Variants in ADCY8 observed in about 807,000 individuals in gnomAD.
ADCY8 encodes the protein adenylate cyclase type 8.
Under a neutral mutation model 119.7 loss-of-function variants are expected in ADCY8, and 51 were observed. That is an observed-to-expected ratio of 0.43 (90% CI 0.34 to 0.54). The LOEUF (loss-of-function observed/expected upper bound fraction) is 0.54. ADCY8 is among the 20% of genes least tolerant of loss of function. The probability of loss-of-function intolerance (pLI) is 0.03; values close to 1 mark genes in which losing one functional copy is unlikely to be tolerated. For synonymous variants in ADCY8, 665 were observed against 651.0 expected, an observed-to-expected ratio of 1.02 and a Z score of -0.33; for missense variants, 1,383 against 1,598.8, an observed-to-expected ratio of 0.87 and a Z score of 2.30.
At chr8:131,015,113 T>C (rs1823428821) in intron 1 of ADCY8, among the ~76,000 whole-genome samples, 1 of 152,180 alleles carries the variant, frequency 6.6e-6, no homozygotes, top group Admixed American at 6.5e-5. Flanking sequence ...GGAAAATTGA[T>C]TGATAAAGAG....
chr8:130,950,962 T>C (rs955662224), intron 3 of ADCY8, among the ~76,000 whole-genome samples: 8 of 152,318 alleles, frequency 5.3e-5, no homozygotes, highest in African/African-American at 1.9e-4. Flanking sequence ...CCTCCCAAAG[T>C]GCTGGGATTA....
chr8:130,994,315 T>C (rs1822696466), intron 1 of ADCY8, among the ~76,000 whole-genome samples: 2 of 152,242 alleles, frequency 1.3e-5, no homozygotes, highest in East Asian at 1.9e-4. Context: ...ACTGCCAATT[T>C]CTCTGGGGCA....
At chr8:130,889,457 A>G (rs1819106807) in intron 7 of ADCY8, among the ~76,000 whole-genome samples, 1 of 152,158 alleles carries the variant, frequency 6.6e-6, no homozygotes, top group African/African-American at 2.4e-5. Context: ...TTTTTTGACC[A>G]CAAATCCCCC....
intron 15 of ADCY8, among the ~76,000 whole-genome samples, chr8:130,797,334 A>G (rs562396740): frequency 6.6e-6 from 1 of 152,210 alleles, no homozygotes; most frequent in Non-Finnish European, 1.5e-5. Context: ...AAGCCAAAAC[A>G]CTGGACACCC....
chr8:130,971,344 T>A (rs67266913), intron 2 of ADCY8, among the ~76,000 whole-genome samples: 7,343 of 152,266 alleles, frequency 0.048, 198 homozygotes, highest in Non-Finnish European at 0.056. Flanking sequence ...TAAGTGTGAA[T>A]TAAGGATACT....
chr8:130,946,432 C>T (rs1821108441), intron 3 of ADCY8, among the ~76,000 whole-genome samples: 1 of 152,106 alleles, frequency 6.6e-6, no homozygotes, highest in African/African-American at 2.4e-5. Flanking sequence ...ATAGATTTTT[C>T]CCCCTTTTGC....
intron 2 of ADCY8, among the ~76,000 whole-genome samples, chr8:130,962,598 C>T (rs1319928399): frequency 1.1e-4 from 17 of 152,184 alleles, no homozygotes; most frequent in Admixed American, 1.1e-3. Context: ...CTACAGTGCA[C>T]CCTGAGGGGA....
chr8:130,823,449 T>C (rs76230052), intron 12 of ADCY8, among the ~76,000 whole-genome samples: 2,916 of 152,262 alleles, frequency 0.019, 79 homozygotes, highest in East Asian at 0.12. Context: ...TACTGTATTA[T>C]AATGTTTTGC....
intron 2 of ADCY8, among the ~76,000 whole-genome samples, chr8:130,980,303 CG>C (rs1029545786): frequency 6.6e-6 from 1 of 152,054 alleles, no homozygotes; most frequent in Non-Finnish European, 1.5e-5. Context: ...TTTTGAGGTT[CG>C]GGGGAACATG....
intron 8 of ADCY8, among the ~76,000 whole-genome samples, chr8:130,874,132 A>C: frequency 6.6e-6 from 1 of 151,866 alleles, no homozygotes; most frequent in East Asian, 1.9e-4. Context: ...ACATGGTGAA[A>C]TCCTGTCTCT....
At chr8:130,803,215 G>A (rs1815837239) in intron 14 of ADCY8, among the ~76,000 whole-genome samples, 1 of 152,202 alleles carries the variant, frequency 6.6e-6, no homozygotes, top group African/African-American at 2.4e-5. Context: ...CTTCCCTGCA[G>A]TTAGCTTCCT....
intron 14 of ADCY8, among the ~76,000 whole-genome samples, chr8:130,809,920 C>A (rs1445522766): frequency 6.6e-6 from 1 of 152,244 alleles, no homozygotes; most frequent in Admixed American, 6.5e-5. Context: ...GCTTTGCCAG[C>A]TGGAGGCTGT....
intron 3 of ADCY8, among the ~76,000 whole-genome samples, chr8:130,950,978 G>T (rs113876856): frequency 6.6e-6 from 1 of 152,168 alleles, no homozygotes; most frequent in South Asian, 2.1e-4. Flanking sequence ...GATTACAGGC[G>T]CGAGCGACCG....
chr8:130,873,438 C>T (rs991008771), intron 8 of ADCY8, among the ~76,000 whole-genome samples: 3 of 152,102 alleles, frequency 2.0e-5, no homozygotes, highest in Non-Finnish European at 2.9e-5. Flanking sequence ...CCTGCCTCAG[C>T]CTCTTATGCA....
chr8:130,877,409 C>T (rs72714412), intron 8 of ADCY8, among the ~76,000 whole-genome samples: 11,520 of 152,206 alleles, frequency 0.076, 486 homozygotes, highest in Non-Finnish European at 0.1. Flanking sequence ...ACTGAATGCT[C>T]TGAGCTGTTC....
intron 2 of ADCY8, among the ~76,000 whole-genome samples, chr8:130,958,427 T>A (rs1821498462): frequency 6.6e-6 from 1 of 152,176 alleles, no homozygotes; most frequent in Non-Finnish European, 1.5e-5. Context: ...TCCTGGCCTC[T>A]CATTTCATGT....
At position 131,040,279 on chromosome 8, in the gene ADCY8, G is replaced by T; in HGVS notation, c.55C>A (p.His19Asn). ...LTGSEELYTI[H>N]PTPPAGDGRS... ...CCGTCGCCGGCCGGGGGCGTCGGGT[G>T]GATGGTGTAGAGTTCCTCGCTGCCT... Residue 19 changes from histidine (H) to asparagine (N), a missense_variant, in exon 1 of 18, where the codon CAC becomes AAC. By Grantham distance (68) the His-to-Asn change is moderately conservative (BLOSUM62 1). Around this residue, in one of 2 missense-constraint regions of ADCY8, gnomAD observed 455 missense variants for 435.3 expected, o/e 1.05. Transcript: ENST00000286355. 6.4e-7 allele frequency: 1 copy of T among 1,568,806 alleles called. No individual in the cohort carries two copies. Among genetic ancestry groups the T allele is most frequent in the Non-Finnish European group, 8.6e-7 (1 of 1,163,842 alleles).
intron 1 of ADCY8, among the ~76,000 whole-genome samples, chr8:131,015,733 T>C (rs1246014503): frequency 1.3e-5 from 2 of 152,148 alleles, no homozygotes; most frequent in South Asian, 2.1e-4. Context: ...GACAAGTCAG[T>C]ATGGGAGTTA....
chr8:130,830,445 C>G (rs1457293830), intron 12 of ADCY8, among the ~76,000 whole-genome samples: 4 of 152,134 alleles, frequency 2.6e-5, no homozygotes, highest in Admixed American at 1.3e-4. Flanking sequence ...GTAAATCAGA[C>G]ACTGTTTCCT....
Sources: gnomAD v4.1 joint callset for allele counts (sites outside exome capture counted in the v4.1 genomes callset) on GRCh38, gnomAD v4.1.1 for gene constraint, gnomAD v4.1.1 regional missense constraint, MANE v1.5 for transcripts, NCBI Gene and HGNC (gene_info 2026-07-23, HGNC 2026-07-21) for gene names.